ROBO2: variants seen among roughly 807,000 people sequenced by gnomAD.
ROBO2 encodes roundabout homolog 2.
A neutral mutation model predicts 160.8 loss-of-function variants in ROBO2; 53 were observed. That is an observed-to-expected ratio of 0.33 (90% CI 0.26 to 0.41). The LOEUF (loss-of-function observed/expected upper bound fraction) is 0.41. ROBO2 is among the 10% of genes least tolerant of loss of function. ROBO2 has a pLI of 1.00. For missense variants in ROBO2, 1,577 were observed against 1,722.4 expected, an observed-to-expected ratio of 0.92 and a Z score of 1.49; for synonymous variants, 664 against 611.7, an observed-to-expected ratio of 1.09 and a Z score of -1.26.
intron 2 of ROBO2, among the ~76,000 whole-genome samples, chr3:76,721,304 G>A (rs1287426175): frequency 6.6e-6 from 1 of 152,050 alleles, no homozygotes; most frequent in Non-Finnish European, 1.5e-5. Context: ...TCTGTGATAA[G>A]AGAAATAAAC....
chr3:75,991,161 A>G (rs954419190), intron 2 of ROBO2, among the ~76,000 whole-genome samples: 1 of 152,054 alleles, frequency 6.6e-6, no homozygotes, highest in African/African-American at 2.4e-5. Context: ...CTCTCTATCT[A>G]TGTGTGTATG....
Position 77,574,433 on chromosome 3 carries a change from A to T in ROBO2, c.1972-66A>T, listed in dbSNP as rs2093711574. ...CAGAAATGGGACAAATGAAAAGAGG[A>T]CAAATTCATTGTGTTGTCTAAAATA... On this transcript the variant is annotated intron_variant, in intron 13 of 25. Transcript: ENST00000461745. 4 of 1,340,182 alleles carry T rather than the reference A, an allele frequency of 3.0e-6. No individual in the cohort carries two copies. In the East Asian group the frequency reaches 9.3e-5, roughly 31 times the overall value. The allele number at this position is 1,340,182 out of a possible 1,614,324, so 83.0% of individuals were successfully genotyped here.
Position 76,366,624 on chromosome 3 carries a change from ATCTT to A in ROBO2, c.109+429024_109+429027del, listed in dbSNP as rs1446640701. 9.2e-5 allele frequency among the ~76,000 whole-genome samples: 14 copies of A among 152,142 alleles called. No homozygotes were observed. The East Asian group carries it at 2.5e-3, about 27-fold the overall frequency. ...GCTTACATAAGATTAAATTTTAAAA[ATCTT>A]TATAGTATGTAATCCTTTGAAATTC... On this transcript the variant is annotated intron_variant, in intron 2 of 26. Transcript: ENST00000487694.
chr3:76,364,488 T>C (rs1268824592), intron 2 of ROBO2, among the ~76,000 whole-genome samples: 1 of 152,056 alleles, frequency 6.6e-6, no homozygotes, highest in Non-Finnish European at 1.5e-5. Context: ...AGGTACTCAA[T>C]ATATACTAGT....
intron 6 of ROBO2, 45 bp from the exon 7 acceptor site, chr3:77,527,358 T>A (rs971163328): frequency 1.5e-4 from 191 of 1,278,784 alleles, no homozygotes; most frequent in African/African-American, 2.3e-4. Context: ...TTCTTTTTTT[T>A]AATTTCTTTT....
intron 2 of ROBO2, among the ~76,000 whole-genome samples, chr3:76,990,953 G>A (rs1009776224): frequency 6.6e-6 from 1 of 152,098 alleles, no homozygotes; most frequent in Non-Finnish European, 1.5e-5. Flanking sequence ...CCACCCCAAC[G>A]GAAGAATTAG....
At chr3:77,482,483 T>C (rs1028569951) in intron 4 of ROBO2, among the ~76,000 whole-genome samples, 1 of 152,196 alleles carries the variant, frequency 6.6e-6, no homozygotes, top group Non-Finnish European at 1.5e-5. Flanking sequence ...CTTTCAATCA[T>C]TCTGAGCACC....
intron 4 of ROBO2, among the ~76,000 whole-genome samples, chr3:77,482,918 G>A (rs1244466642): frequency 6.6e-6 from 1 of 151,880 alleles, no homozygotes; most frequent in African/African-American, 2.4e-5. Flanking sequence ...GAAATTGAAA[G>A]GGTTTAATGT....
chr3:76,348,007 C>G (rs1380984578), intron 2 of ROBO2, among the ~76,000 whole-genome samples: 6 of 152,154 alleles, frequency 3.9e-5, no homozygotes, highest in Non-Finnish European at 4.4e-5. Context: ...CTGAAAACTG[C>G]TACCTTTGAG....
chr3:76,855,496 A>G (rs1305394177), intron 2 of ROBO2, among the ~76,000 whole-genome samples: 1 of 152,240 alleles, frequency 6.6e-6, no homozygotes, highest in Non-Finnish European at 1.5e-5. Context: ...TTTTCACAAT[A>G]TAAAAGAAAT....
At chr3:76,834,752 T>A (rs1394837920) in intron 2 of ROBO2, among the ~76,000 whole-genome samples, 1 of 152,166 alleles carries the variant, frequency 6.6e-6, no homozygotes, top group Non-Finnish European at 1.5e-5. Flanking sequence ...TTCTCTTAAG[T>A]TCTGGGATTA....
intron 2 of ROBO2, among the ~76,000 whole-genome samples, chr3:76,557,552 T>C (rs1255186062): frequency 6.6e-6 from 1 of 151,632 alleles, no homozygotes; most frequent in Non-Finnish European, 1.5e-5. Flanking sequence ...AGTTGCTATC[T>C]GGAAACTGAT....
intron 2 of ROBO2, among the ~76,000 whole-genome samples, chr3:77,352,663 A>G (rs983764914): frequency 2.6e-5 from 4 of 152,140 alleles, no homozygotes; most frequent in African/African-American, 9.7e-5. Flanking sequence ...AAATGGTCAT[A>G]TTATTGTCTT....
chr3:76,968,452 G>C (rs1056901364), intron 2 of ROBO2, among the ~76,000 whole-genome samples: 1 of 151,974 alleles, frequency 6.6e-6, no homozygotes, highest in Non-Finnish European at 1.5e-5. Flanking sequence ...CTCCTTTTAG[G>C]AAATTTACAT....
At chr3:77,401,273 A>AC (rs2075772914) in intron 2 of ROBO2, among the ~76,000 whole-genome samples, 2 of 151,744 alleles carry the variant, frequency 1.3e-5, no homozygotes, top group South Asian at 4.2e-4. Context: ...TAAAAAAAAA[A>AC]AAACTCAAAG....
intron 2 of ROBO2, among the ~76,000 whole-genome samples, chr3:76,371,186 G>A (rs1343271202): frequency 6.6e-6 from 1 of 151,940 alleles, no homozygotes; most frequent in Non-Finnish European, 1.5e-5. Context: ...CTGAGCACAA[G>A]GGTTAGAAGT....
intron 2 of ROBO2, among the ~76,000 whole-genome samples, chr3:76,082,869 G>T (rs2068879486): frequency 6.6e-6 from 1 of 152,154 alleles, no homozygotes; most frequent in South Asian, 2.1e-4. Flanking sequence ...ATAAATCAAT[G>T]ATTTTTTTTC....
chr3:76,493,100 A>G (rs1441137221), intron 2 of ROBO2, among the ~76,000 whole-genome samples: 1 of 151,930 alleles, frequency 6.6e-6, no homozygotes, highest in Non-Finnish European at 1.5e-5. Flanking sequence ...TTTTGCACAT[A>G]TGCATAGCGT....
At chr3:76,659,910 A>G (rs1438803739) in intron 2 of ROBO2, among the ~76,000 whole-genome samples, 1 of 152,156 alleles carries the variant, frequency 6.6e-6, no homozygotes, top group Non-Finnish European at 1.5e-5. Flanking sequence ...TGCTAAGAAA[A>G]TGTTCCCCAG....
Sources: gnomAD v4.1 joint callset for allele counts (sites outside exome capture counted in the v4.1 genomes callset) on GRCh38, gnomAD v4.1.1 for gene constraint, MANE v1.5 for transcripts, NCBI Gene and HGNC (gene_info 2026-07-23, HGNC 2026-07-21) for gene names.